RNF128: variants seen among roughly 807,000 people sequenced by gnomAD.
RNF128 encodes ring finger protein 128.
RNF128 carries 13 observed loss-of-function variants against 26.2 expected under a neutral mutation model. The observed-to-expected ratio is 0.50, with a 90% CI of 0.32 to 0.79. RNF128 has a LOEUF of 0.79. Among genes scored for constraint, RNF128 ranks in the 30% least tolerant of loss-of-function variants. The pLI, the probability that RNF128 is intolerant of heterozygous loss-of-function variation, is 0.03. For synonymous variants in RNF128, 149 were observed against 142.5 expected, an observed-to-expected ratio of 1.05 and a Z score of -0.32; for missense variants, 315 against 349.7, an observed-to-expected ratio of 0.90 and a Z score of 0.79.
intron 1 of RNF128, among the ~76,000 whole-genome samples, chrX:106,744,637 T>C (rs772805412): frequency 9.0e-6 from 1 of 110,668 alleles, no homozygotes; most frequent in Non-Finnish European, 1.9e-5. Context: ...TTTCTTGTAT[T>C]TTTAGTAGAG....
chrX:106,706,728 A>T (rs1183696370), intron 1 of RNF128, among the ~76,000 whole-genome samples: 1 of 112,618 alleles, frequency 8.9e-6, no homozygotes, highest in African/African-American at 3.2e-5. Flanking sequence ...AAAGATGTAT[A>T]GGATCTGAAA....
intron 1 of RNF128, among the ~76,000 whole-genome samples, chrX:106,729,677 A>G (rs1203575092): frequency 1.8e-5 from 2 of 111,626 alleles, no homozygotes; most frequent in Admixed American, 9.5e-5. Context: ...AGGCTATACC[A>G]AAGTTTGCCA....
chrX:106,768,145 T>C (rs1486197051), intron 1 of RNF128, among the ~76,000 whole-genome samples: 2 of 111,844 alleles, frequency 1.8e-5, no homozygotes, highest in African/African-American at 6.5e-5. Context: ...TTTTGCATCA[T>C]TGTTCATCAG....
intron 1 of RNF128, among the ~76,000 whole-genome samples, chrX:106,698,403 C>A (rs190708613): frequency 8.2e-4 from 90 of 110,343 alleles, no homozygotes; most frequent in African/African-American, 2.8e-3. Context: ...TAGTGAAGTG[C>A]ATGAAAAGGA....
Position 106,765,631 on chromosome X carries a change from G to T in RNF128, c.485-7282G>T, listed in dbSNP as rs189577742. Among the ~76,000 whole-genome samples the T allele has an allele frequency of 3.0e-4, 33 of 110,974 alleles. No homozygotes were observed. In the East Asian group the frequency reaches 8.8e-3, roughly 30 times the overall value. On this transcript the variant is annotated intron_variant, in intron 1 of 6. Coordinates refer to ENST00000255499, the MANE Select transcript of RNF128 (RefSeq NM_194463.2). The stretch of plus-strand genomic sequence containing the variant: ...CATATTGGAAGAAGATACAACAGAG[G>T]GTGTCTACATTTCAGACATTCAGTA...
chrX:106,774,127 A>G (rs765078214), intron 2 of RNF128, among the ~76,000 whole-genome samples: 6 of 111,164 alleles, frequency 5.4e-5, no homozygotes, highest in East Asian at 5.7e-4. Context: ...GAATCACACT[A>G]TGTTTTCTTG....
intron 6 of RNF128, among the ~76,000 whole-genome samples, chrX:106,793,117 C>G (rs1338453482): frequency 9.0e-6 from 1 of 111,105 alleles, no homozygotes; most frequent in African/African-American, 3.3e-5. Flanking sequence ...GGAAAGGTCA[C>G]CACCAGAGTT....
intron 1 of RNF128, among the ~76,000 whole-genome samples, chrX:106,738,865 G>C: frequency 9.0e-6 from 1 of 111,611 alleles, no homozygotes. Flanking sequence ...GTTTATTAAA[G>C]GATAGCTTGA....
intron 5 of RNF128, 66 bp downstream of exon 5, chrX:106,790,348 A>AG: frequency 2.6e-6 from 2 of 777,472 alleles, no homozygotes; most frequent in Non-Finnish European, 3.9e-6. Flanking sequence ...TAACAAAATA[A>AG]CATCCTTATT....
chrX:106,719,345 C>T (rs1181383502), intron 1 of RNF128, among the ~76,000 whole-genome samples: 1 of 110,869 alleles, frequency 9.0e-6, no homozygotes. Flanking sequence ...CTCAGCCTCT[C>T]GAGTACCTGG....
intron 1 of RNF128, among the ~76,000 whole-genome samples, chrX:106,766,259 T>C (rs932280818): frequency 1.8e-5 from 2 of 111,994 alleles, no homozygotes; most frequent in Non-Finnish European, 3.8e-5. Context: ...TCAAATGGTA[T>C]TTCTAGTTCT....
At chrX:106,789,823 A>G (rs954456713) in intron 4 of RNF128, among the ~76,000 whole-genome samples, 15 of 109,523 alleles carry the variant, frequency 1.4e-4, no homozygotes, top group Non-Finnish European at 2.3e-4. Context: ...GTTGTACTCA[A>G]TACTATATTG....
At chrX:106,756,682 G>A (rs1225851395) in intron 1 of RNF128, among the ~76,000 whole-genome samples, 1 of 110,042 alleles carries the variant, frequency 9.1e-6, no homozygotes, top group Non-Finnish European at 1.9e-5. Flanking sequence ...CATGGGAAAG[G>A]ACTTCATGTC....
At chrX:106,694,077 T>C in exon 1 of RNF128, 1 of 1,205,089 alleles carries the variant, frequency 8.3e-7, no homozygotes, top group Non-Finnish European at 1.1e-6. Context: ...TTACAGCATC[T>C]TTTTCAATGA....
chrX:106,763,653 C>A (rs973474379), intron 1 of RNF128, among the ~76,000 whole-genome samples: 9 of 110,801 alleles, frequency 8.1e-5, no homozygotes, highest in African/African-American at 3.0e-4. Context: ...ACTACAGGCG[C>A]CCGCCACCAC....
chrX:106,770,563 A>C (rs1930351909), intron 1 of RNF128, among the ~76,000 whole-genome samples: 1 of 111,198 alleles, frequency 9.0e-6, no homozygotes, highest in African/African-American at 3.3e-5. Context: ...TTGTGCATGC[A>C]CCACGTAGTC....
chrX:106,759,269 A>G (rs913789232), intron 1 of RNF128, among the ~76,000 whole-genome samples: 4 of 111,905 alleles, frequency 3.6e-5, no homozygotes, highest in African/African-American at 1.3e-4. Context: ...TTTTATTCAA[A>G]AGTCAGGCAA....
Position 106,727,140 on chromosome X carries a change from C to T in RNF128, c.227C>T (p.Pro76Leu). Residue 76 changes from proline (P) to leucine (L), a missense_variant, in exon 1 of 7, where the codon CCG (proline) becomes CTG (leucine). Physicochemically the swap from Pro to Leu is moderately conservative, Grantham distance 98. Transcript: ENST00000255499. ...GAGGGCGTGTACGGCCAGGACTCGC[C>T]GCTGGAGCCTGTGGCTGGGGTCCTG... Reference protein sequence around the residue: ...SEEGVYGQDSPLEPVAGVLVP... With the variant: ...SEEGVYGQDSLLEPVAGVLVP... 1 of 1,208,707 alleles carries T rather than the reference C, an allele frequency of 8.3e-7. No homozygotes were observed. The highest frequency in any genetic ancestry group is 1.1e-6 in the Non-Finnish European group (1 of 894,368).
At chrX:106,767,556 A>G (rs1930274946) in intron 1 of RNF128, among the ~76,000 whole-genome samples, 1 of 111,923 alleles carries the variant, frequency 8.9e-6, no homozygotes, top group Admixed American at 9.5e-5. Flanking sequence ...ATTTTTGCAC[A>G]TTGATTTTGT....
Sources: gnomAD v4.1 joint callset for allele counts (sites outside exome capture counted in the v4.1 genomes callset) on GRCh38, gnomAD v4.1.1 for gene constraint, MANE v1.5 for transcripts, NCBI Gene and HGNC (gene_info 2026-07-23, HGNC 2026-07-21) for gene names.